SLC9D1: variants seen among roughly 807,000 people sequenced by gnomAD.
SLC9D1 encodes the protein solute carrier family 9 member D1.
chr13:113,539,729 T>C, the SLC9D1 span, among the ~76,000 whole-genome samples: 1 of 152,132 alleles, frequency 6.6e-6, no homozygotes, highest in Admixed American at 6.5e-5. This position sits in a 1 kb window ranked among gnomAD's most constrained non-coding sequence, Gnocchi z 4.8. Flanking sequence ...TCTGTCCAGC[T>C]TTTCCTTTAG....
the SLC9D1 span, among the ~76,000 whole-genome samples, chr13:113,546,143 G>T: frequency 6.6e-6 from 1 of 152,170 alleles, no homozygotes; most frequent in Admixed American, 6.5e-5. The surrounding 1 kb of genome is among the most constrained non-coding windows in gnomAD (Gnocchi z 7.1). Context: ...AGTTGTGCCG[G>T]CGTGGACATA....
chr13:113,529,640 ACT>A, the SLC9D1 span: 1 of 149,222 alleles, frequency 6.7e-6, no homozygotes, highest in Non-Finnish European at 1.5e-5. Flanking sequence ...ACAGAGCAAG[ACT>A]CTATCTCAAA....
chr13:113,492,578 C>T, the SLC9D1 span, among the ~76,000 whole-genome samples: 28,211 of 152,098 alleles, frequency 0.19, 3,458 homozygotes, highest in African/African-American at 0.35. Flanking sequence ...GAGATACATC[C>T]GCATTGTTAT....
At chr13:113,499,144 T>A in the SLC9D1 span, among the ~76,000 whole-genome samples, 1 of 152,158 alleles carries the variant, frequency 6.6e-6, no homozygotes, top group Non-Finnish European at 1.5e-5. Context: ...CATTTGTAAG[T>A]TGTCATGGCG....
the SLC9D1 span, chr13:113,529,351 G>A: frequency 6.6e-6 from 1 of 150,978 alleles, no homozygotes; most frequent in African/African-American, 2.4e-5. Context: ...GGAGGCTGAG[G>A]CAGGAAGATG....
At chr13:113,534,129 T>TA in the SLC9D1 span, 3 of 1,613,428 alleles carry the variant, frequency 1.9e-6, no homozygotes, top group African/African-American at 4.0e-5. Flanking sequence ...TATGTCTTGT[T>TA]ATAAAGAAGT....
At chr13:113,496,918 T>C in the SLC9D1 span, among the ~76,000 whole-genome samples, 1 of 152,182 alleles carries the variant, frequency 6.6e-6, no homozygotes, top group Non-Finnish European at 1.5e-5. Flanking sequence ...GGTTTTATTA[T>C]AGAGAAAAAA....
At chr13:113,503,592 A>G in the SLC9D1 span, 1 of 1,604,592 alleles carries the variant, frequency 6.2e-7, no homozygotes, top group East Asian at 2.2e-5. Flanking sequence ...AAGAAAGGTA[A>G]GGACCTCATC....
At chr13:113,547,456 G>A in the SLC9D1 span, 28 of 1,237,774 alleles carry the variant, frequency 2.3e-5, no homozygotes, top group Non-Finnish European at 3.2e-5. Context: ...GGTTTCCAGT[G>A]GGGCCCACAT....
At chr13:113,527,468 C>T in the SLC9D1 span, 1 of 152,226 alleles carries the variant, frequency 6.6e-6, no homozygotes, top group South Asian at 2.1e-4. Flanking sequence ...TGGTGGCTCT[C>T]CTCATCCAGT....
chr13:113,536,438 A>C, the SLC9D1 span: 1 of 347,030 alleles, frequency 2.9e-6, no homozygotes, highest in East Asian at 1.7e-4. Flanking sequence ...GGAGGAAATT[A>C]TGATTTGCTT....
chr13:113,549,851 TTG>T, the SLC9D1 span: 3 of 579,566 alleles, frequency 5.2e-6, no homozygotes, highest in East Asian at 8.6e-5. Flanking sequence ...TAATTTTCTA[TTG>T]TGAGTTCATC....
At chr13:113,543,192 C>T in the SLC9D1 span, among the ~76,000 whole-genome samples, 18 of 52,116 alleles carry the variant, frequency 3.5e-4, no homozygotes, top group East Asian at 2.0e-3. Flanking sequence ...CTCCCCCTGC[C>T]CCTCGCCCTC....
chr13:113,531,205 C>T, the SLC9D1 span, among the ~76,000 whole-genome samples: 2 of 152,358 alleles, frequency 1.3e-5, no homozygotes, highest in East Asian at 3.9e-4. Context: ...TCTGGCTGAG[C>T]AAATGATGGT....
the SLC9D1 span, among the ~76,000 whole-genome samples, chr13:113,512,727 CCGGAG>C: frequency 7.0e-6 from 1 of 143,682 alleles, no homozygotes; most frequent in Admixed American, 7.2e-5. Context: ...TGGAAGGGGG[CCGGAG>C]TGTAGACGGA....
At chr13:113,519,184 C>T in the SLC9D1 span, among the ~76,000 whole-genome samples, 1 of 152,024 alleles carries the variant, frequency 6.6e-6, no homozygotes, top group Non-Finnish European at 1.5e-5. Context: ...GCTGGGACTG[C>T]AGGTGCCCGC....
chr13:113,517,932 CTTTA>C, the SLC9D1 span, among the ~76,000 whole-genome samples: 2 of 151,818 alleles, frequency 1.3e-5, no homozygotes, highest in Admixed American at 1.3e-4. Flanking sequence ...ACCCTTAGGA[CTTTA>C]TTTCTTTAAA....
At chr13:113,522,973 G>A in the SLC9D1 span, among the ~76,000 whole-genome samples, 1 of 152,112 alleles carries the variant, frequency 6.6e-6, no homozygotes, top group Non-Finnish European at 1.5e-5. Flanking sequence ...TTGATTTTTG[G>A]AAGTTGAACC....
At chr13:113,513,565 G>A in the SLC9D1 span, among the ~76,000 whole-genome samples, 3 of 152,314 alleles carry the variant, frequency 2.0e-5, no homozygotes, top group African/African-American at 7.2e-5. Context: ...GAAATTTACA[G>A]TTAGACATGT....
Sources: gnomAD v4.1 joint callset for allele counts (sites outside exome capture counted in the v4.1 genomes callset) on GRCh38, gnomAD v4.1.1 for gene constraint, Gnocchi (gnomAD v3.1) non-coding constraint, MANE v1.5 for transcripts, NCBI Gene and HGNC (gene_info 2026-07-23, HGNC 2026-07-21) for gene names.